Variants in HDAC4 observed in about 807,000 individuals in gnomAD.
The protein encoded by HDAC4 is histone deacetylase 4, also known as histone deacetylase A.
In HDAC4, 16 loss-of-function variants were observed where a neutral mutation model predicts 135.1. The observed-to-expected ratio is 0.12, with a 90% CI of 0.08 to 0.18. The LOEUF (loss-of-function observed/expected upper bound fraction) is 0.18. Ranked by LOEUF, HDAC4 falls within the 10% of genes least tolerant of loss-of-function variation. HDAC4 has a pLI of 1.00. For synonymous variants in HDAC4, 685 were observed against 653.4 expected (o/e 1.05, Z -0.74); for missense variants, 1,143 against 1,511.8 (o/e 0.76, Z 4.05).
intron 1 of HDAC4, among the ~76,000 whole-genome samples, chr2:239,399,924 A>G (rs528957707): frequency 6.6e-5 from 10 of 152,382 alleles, no homozygotes; most frequent in Admixed American, 1.3e-4. Context: ...GAAAACACTC[A>G]TATCAGCTGC....
intron 1 of HDAC4, among the ~76,000 whole-genome samples, chr2:239,367,131 C>A (rs752732948): frequency 1.3e-5 from 2 of 152,130 alleles, no homozygotes; most frequent in South Asian, 4.1e-4. Context: ...CCTCATAATG[C>A]GATCTGGGGT....
chr2:239,318,970 T>C (rs572662982), intron 2 of HDAC4, among the ~76,000 whole-genome samples: 2 of 152,136 alleles, frequency 1.3e-5, no homozygotes, highest in South Asian at 2.1e-4. Flanking sequence ...ACAGCCCCAG[T>C]GGAACTGAGT....
rs7557540 is a variant in HDAC4 at position 239,072,518 on chromosome 2, C to T, written c.2751-3911G>A. ...ACACTTCTGTGTCCCCACGGCCTCC[C>T]CAGCACACGCGTGTGGGCCAAGTGC... On this transcript the variant is annotated intron_variant, in intron 22 of 26. Coordinates refer to ENST00000543185, the MANE Select transcript of HDAC4 (RefSeq NM_001378414.1). 6.5e-3 allele frequency among the ~76,000 whole-genome samples: 988 copies of T among 152,276 alleles called. 6 individuals are homozygous for T. The highest frequency in any genetic ancestry group is 0.023 in the African/African-American group (944 of 41,554).
chr2:239,127,152 G>A (rs1025859298), intron 11 of HDAC4, among the ~76,000 whole-genome samples: 1 of 152,236 alleles, frequency 6.6e-6, no homozygotes, highest in African/African-American at 2.4e-5. Context: ...GACAGCCTGA[G>A]TTGTGAGAAA....
intron 3 of HDAC4, among the ~76,000 whole-genome samples, chr2:239,233,388 C>T (rs559428192): frequency 6.6e-6 from 1 of 150,632 alleles, no homozygotes; most frequent in Non-Finnish European, 1.5e-5. Context: ...CTCATTGGGG[C>T]ATTTCTGATT....
At chr2:239,281,394 T>C (rs2050736775) in intron 2 of HDAC4, among the ~76,000 whole-genome samples, 1 of 139,076 alleles carries the variant, frequency 7.2e-6, no homozygotes, top group East Asian at 2.2e-4. Context: ...TACATGCCAC[T>C]CTACAATTTA....
At chr2:239,320,148 C>T (rs1459627670) in intron 2 of HDAC4, among the ~76,000 whole-genome samples, 1 of 151,838 alleles carries the variant, frequency 6.6e-6, no homozygotes, top group Admixed American at 6.6e-5. Flanking sequence ...TTTGGGAGGC[C>T]GAAGCAGGCG....
intron 7 of HDAC4, among the ~76,000 whole-genome samples, chr2:239,156,347 C>T (rs1343156690): frequency 2.6e-5 from 4 of 152,206 alleles, no homozygotes; most frequent in Non-Finnish European, 4.4e-5. Context: ...ACTGCGGGGA[C>T]GCCCCTCAGT....
At chr2:239,135,690 T>A (rs1459560824) in intron 9 of HDAC4, among the ~76,000 whole-genome samples, 1 of 152,200 alleles carries the variant, frequency 6.6e-6, no homozygotes. Flanking sequence ...GATGGCCTGA[T>A]GCCCATGAAG....
rs138105811 is a variant in HDAC4 at position 239,122,738 on chromosome 2, C to A, written c.1533+3718G>T. On this transcript the variant is annotated intron_variant, in intron 12 of 26. Transcript: ENST00000543185. ...CATATGGCTGCAGGGAACACCAGGG[C>A]TAGGCACGGGCCGCCTCTCTTTCTT... Among the ~76,000 whole-genome samples, 80 of 152,350 alleles carry A rather than the reference C, an allele frequency of 5.3e-4. 1 individual carries two copies. The East Asian group carries it at 0.013, about 24-fold the overall frequency.
intron 2 of HDAC4, among the ~76,000 whole-genome samples, chr2:239,238,125 G>A (rs1173790766): frequency 6.6e-6 from 1 of 152,254 alleles, no homozygotes; most frequent in Non-Finnish European, 1.5e-5. Context: ...ATGATGCCAT[G>A]TCTCAAGAGA....
At chr2:239,184,112 C>T (rs1434813208) in intron 4 of HDAC4, among the ~76,000 whole-genome samples, 1 of 114,800 alleles carries the variant, frequency 8.7e-6, no homozygotes, top group Admixed American at 8.7e-5. Flanking sequence ...GCCACTAAAA[C>T]AGTGTGTAAA....
intron 2 of HDAC4, among the ~76,000 whole-genome samples, chr2:239,276,025 C>CAT (rs2050340205): frequency 6.6e-6 from 1 of 152,130 alleles, no homozygotes; most frequent in Non-Finnish European, 1.5e-5. Context: ...TCTGAGCCAG[C>CAT]GCAGGCCAGG....
intron 2 of HDAC4, among the ~76,000 whole-genome samples, chr2:239,251,364 C>A (rs774896859): frequency 6.6e-6 from 1 of 151,964 alleles, no homozygotes; most frequent in Non-Finnish European, 1.5e-5. Context: ...AGGAATGAGG[C>A]GGGAATATTG....
At chr2:239,393,208 A>G (rs780283944) in intron 1 of HDAC4, among the ~76,000 whole-genome samples, 8 of 152,138 alleles carry the variant, frequency 5.3e-5, no homozygotes, top group Non-Finnish European at 1.0e-4. Flanking sequence ...ACCACCAAGC[A>G]TGTGCCCCAA....
intron 11 of HDAC4, among the ~76,000 whole-genome samples, chr2:239,128,127 C>T (rs553292615): frequency 7.2e-5 from 11 of 152,288 alleles, no homozygotes; most frequent in Admixed American, 3.3e-4. Flanking sequence ...CACAACTTTC[C>T]GGAAAGACAT....
chr2:239,290,272 TTAACTA>T (rs2051385344), intron 2 of HDAC4, among the ~76,000 whole-genome samples: 1 of 152,188 alleles, frequency 6.6e-6, no homozygotes, highest in East Asian at 1.9e-4. Context: ...AGCTAATTCC[TTAACTA>T]TAAAGAAACA....
intron 4 of HDAC4, among the ~76,000 whole-genome samples, chr2:239,183,951 C>A (rs937293477): frequency 1.3e-5 from 2 of 151,798 alleles, no homozygotes; most frequent in South Asian, 2.1e-4. Flanking sequence ...GGAAGAGTCA[C>A]ACTATCAACT....
At chr2:239,269,802 G>C (rs916332425) in intron 2 of HDAC4, among the ~76,000 whole-genome samples, 1 of 152,166 alleles carries the variant, frequency 6.6e-6, no homozygotes, top group Non-Finnish European at 1.5e-5. Flanking sequence ...CAAGTTGCTC[G>C]AAAAGGGAAA....
Sources: gnomAD v4.1 joint callset for allele counts (sites outside exome capture counted in the v4.1 genomes callset) on GRCh38, gnomAD v4.1.1 for gene constraint, MANE v1.5 for transcripts, NCBI Gene and HGNC (gene_info 2026-07-23, HGNC 2026-07-21) for gene names.